Variants in OTOG observed in about 807,000 individuals in gnomAD.
OTOG encodes otogelin.
OTOG carries 296 observed loss-of-function variants against 313.8 expected under a neutral mutation model. That is an observed-to-expected ratio of 0.94 (90% CI 0.86 to 1.04). The LOEUF is 1.04. Ranked by LOEUF, OTOG falls within the 50% of genes least tolerant of loss-of-function variation. The pLI is 0.00. For missense variants in OTOG, 3,948 were observed against 3,840.1 expected, an observed-to-expected ratio of 1.03 and a Z score of -0.74; for synonymous variants, 1,533 against 1,554.9, an observed-to-expected ratio of 0.99 and a Z score of 0.33.
At chr11:17,624,269 G>A (rs1473941570) in intron 39 of OTOG, among the ~76,000 whole-genome samples, 1 of 152,136 alleles carries the variant, frequency 6.6e-6, no homozygotes, top group East Asian at 1.9e-4. Context: ...TATCTTCCAT[G>A]ATTTTTATAG....
chr11:17,551,535 T>A (rs1424089296), intron 3 of OTOG, among the ~76,000 whole-genome samples: 1 of 151,622 alleles, frequency 6.6e-6, no homozygotes, highest in East Asian at 2.0e-4. Flanking sequence ...AAAGGAAGGT[T>A]GGGGTGGGGG....
chr11:17,599,608 C>CTG, intron 30 of OTOG, 63 bp from the exon 31 acceptor site: 1 of 1,530,406 alleles, frequency 6.5e-7, no homozygotes, highest in Admixed American at 2.0e-5. Flanking sequence ...GGAGCCTTGG[C>CTG]TCTGTCTGTC....
rs904320984 is a variant in OTOG at position 17,548,138 on chromosome 11, C to T, written c.156-14C>T. 2.1e-5 allele frequency: 33 copies of T among 1,545,350 alleles called. No individual in the cohort carries two copies. The highest frequency in any genetic ancestry group is 3.9e-5 in the Admixed American group (2 of 50,770). The stretch of plus-strand genomic sequence containing the variant: ...CCTAGCCCCCCATCCATGCCAGACT[C>T]GTGTTTCCTCCAGCAGCAGCCACCA... On this transcript the variant is annotated splice_polypyrimidine_tract_variant and intron_variant, in intron 2 of 55. Transcript: ENST00000399397.
In OTOG at chr11:17,547,956, G is replaced by C; in HGVS notation, c.124G>C (p.Glu42Gln). The C allele has an allele frequency of 3.8e-6, 2 of 528,106 alleles. No individual in the cohort carries two copies. 32.7% of individuals were successfully genotyped at this position (528,106 alleles called of 1,614,324 possible). A position where few individuals can be genotyped will look rare whatever the true frequency, so the allele number is the denominator to read the frequency against. ...AGCACCCGTTCTGTGGGGCAGTGCA[G>C]AGCCACAGCCAGAGCCAGCCGGGCA... ...AAAPVLWGSA[E>Q]PQPEPAGQPS... Residue 42 changes from glutamate (E) to glutamine (Q), a missense_variant, in exon 2 of 56, where the codon GAG becomes CAG. Physicochemically the swap from Glu to Gln is conservative, Grantham distance 29. Transcript: ENST00000399397.
chr11:17,558,260 C>A lies in OTOG; in HGVS notation c.941C>A (p.Thr314Lys). ...EQAPNQPPGP[T>K]TSSLPRPPCL... is the part of the protein sequence containing the mutation. ...GCCCCTAACCAGCCTCCAGGGCCCA[C>A]AACTTCCTCCCTGCCTCGCCCACCG... Residue 314 changes from threonine to lysine, a missense_variant, in exon 9 of 56, where the codon ACA (threonine) becomes AAA (lysine). Physicochemically the swap from Thr to Lys is moderately conservative, Grantham distance 78. Transcript: ENST00000399397. 5 of 1,550,722 alleles carry A rather than the reference C, an allele frequency of 3.2e-6. No individual in the cohort carries two copies. Among genetic ancestry groups the A allele is most frequent in the African/African-American group, 2.7e-5 (2 of 73,168 alleles).
chr11:17,550,319 C>G (rs545637641), intron 3 of OTOG, among the ~76,000 whole-genome samples: 1 of 152,308 alleles, frequency 6.6e-6, no homozygotes, highest in East Asian at 1.9e-4. Flanking sequence ...CTAAATTACA[C>G]ATTTTTATAA....
chr11:17,547,980 C>T lies in OTOG; in HGVS notation c.148C>T (p.Gln50Ter), dbSNP rs76186800. 4.8e-6 allele frequency: 3 copies of T among 620,292 alleles called. No individual in the cohort carries two copies. Among genetic ancestry groups the T allele is most frequent in the Non-Finnish European group, 5.1e-6 (2 of 392,042 alleles). 38.4% of individuals were successfully genotyped at this position (620,292 alleles called of 1,614,324 possible). A position where few individuals can be genotyped will look rare whatever the true frequency, so the allele number is the denominator to read the frequency against. Residue 50 changes from glutamine (Q) to a stop codon, truncating the protein, a stop_gained, in exon 2 of 56, where the codon CAA (glutamine) becomes TAA (stop). Coordinates refer to ENST00000399397, the MANE Select transcript of OTOG (RefSeq NM_001292063.2). LOFTEE classifies it high-confidence loss of function. ...SAEPQPEPAG[Q>*]PSSSHQEATL... ...AGAGCCACAGCCAGAGCCAGCCGGG[C>T]AACCCAGGTGAGTAGGTGTGAGCTG...
chr11:17,559,479 G>C, intron 11 of OTOG, 55 bp from the exon 12 acceptor site: 1 of 1,548,914 alleles, frequency 6.5e-7, no homozygotes, highest in Non-Finnish European at 8.7e-7. Flanking sequence ...TAGGAGCTGG[G>C]TCCTGGCAGA....
rs564978061 is a variant in OTOG at position 17,572,150 on chromosome 11, T to C, written c.2026T>C (p.Ser676Pro). The C allele has an allele frequency of 2.0e-4, 316 of 1,550,350 alleles. 1 individual carries two copies. In the East Asian group the frequency reaches 7.6e-3, roughly 37 times the overall value. The change falls in exon 18 of 56, where the codon TCC (serine) becomes CCC (proline). Residue 676 changes from serine (S) to proline (P), a missense_variant. Transcript: ENST00000399397. ...TTCCTGGAAAACACTTTCTGCTTGCTCCCCGCTGGTCTCTGGCTCCCCTCT... is the reference window on the plus strand; with the variant it reads ...TTCCTGGAAAACACTTTCTGCTTGCCCCCCGCTGGTCTCTGGCTCCCCTCT... ...GNSWKTLSAC[S>P]PLVSGSPLDP...
intron 40 of OTOG, among the ~76,000 whole-genome samples, chr11:17,631,170 T>C (rs1854112296): frequency 6.6e-6 from 1 of 152,134 alleles, no homozygotes; most frequent in South Asian, 2.1e-4. Flanking sequence ...AAAAATACAC[T>C]GACTGCCCAG....
At position 17,638,435 on chromosome 11, in the gene OTOG, C is replaced by T; in HGVS notation, c.7796-16C>T. 1.3e-6 allele frequency: 2 copies of T among 1,538,022 alleles called. No individual in the cohort carries two copies. The highest frequency in any genetic ancestry group is 1.8e-6 in the Non-Finnish European group (2 of 1,142,652). On this transcript the variant is annotated splice_polypyrimidine_tract_variant and intron_variant, in intron 47 of 55. Coordinates refer to ENST00000399397, the MANE Select transcript of OTOG (RefSeq NM_001292063.2). ...TGCCTGTGACTGACGTGTCAACTGC[C>T]TCTCCTTCCCCACAGTGTGTGAGAA...
chr11:17,606,535 C>A (rs1853396038), intron 33 of OTOG, among the ~76,000 whole-genome samples: 1 of 152,212 alleles, frequency 6.6e-6, no homozygotes, highest in Non-Finnish European at 1.5e-5. Flanking sequence ...GGGGATAGGT[C>A]TGGGGGCCAG....
intron 54 of OTOG, among the ~76,000 whole-genome samples, chr11:17,643,918 C>A (rs1848023150): frequency 6.6e-6 from 1 of 152,256 alleles, no homozygotes; most frequent in Admixed American, 6.5e-5. Flanking sequence ...TCCAGGGTCC[C>A]TGACAGTCCC....
In OTOG at chr11:17,572,088, T is replaced by C; in HGVS notation, c.1964T>C (p.Val655Ala). The change falls in exon 18 of 56, where the codon GTG (valine) becomes GCG (alanine). Residue 655 changes from valine to alanine, a missense_variant. Coordinates refer to ENST00000399397, the MANE Select transcript of OTOG (RefSeq NM_001292063.2). ...GNTQDDFLSP[V>A]GVPESTPQLF... ...CTGTGACATGGCTGCAGGTCTCCAG[T>C]GGGTGTACCTGAGAGCACCCCACAA... is the stretch of plus-strand genomic sequence containing the variant. The C allele has an allele frequency of 6.4e-7, 1 of 1,550,430 alleles. No individual in the cohort carries two copies. Among genetic ancestry groups the C allele is most frequent in the South Asian group, 1.2e-5 (1 of 84,044 alleles).
chr11:17,606,219 C>T, intron 33 of OTOG, 84 bp downstream of exon 33: 1 of 1,417,802 alleles, frequency 7.1e-7, no homozygotes, highest in Non-Finnish European at 9.3e-7. Flanking sequence ...TTCACCCTTC[C>T]AATTACCCCT....
chr11:17,592,096 AGTCACAG>A (rs1852958742), intron 25 of OTOG, among the ~76,000 whole-genome samples: 1 of 152,006 alleles, frequency 6.6e-6, no homozygotes, highest in Admixed American at 6.5e-5. Flanking sequence ...TGCTTAAAGG[AGTCACAG>A]GTTATAATTT....
rs1853526269 is a variant in OTOG at position 17,611,038 on chromosome 11, T to C, written c.5738T>C (p.Leu1913Pro). ...RKSTTGKVAI[L>P]SKQVSLPTSM... ...AGCACCACAGGGAAGGTGGCCATCC[T>C]ATCCAAGCAAGTGTCTCTGCCCACT... Residue 1913 changes from leucine (L) to proline (P), a missense_variant, in exon 36 of 56, where the codon CTA (leucine) becomes CCA (proline). Transcript: ENST00000399397. The C allele has an allele frequency of 1.9e-6, 3 of 1,550,590 alleles. No individual in the cohort carries two copies. The highest frequency in any genetic ancestry group is 1.4e-5 in the African/African-American group (1 of 73,182).
chr11:17,627,302 ATT>A (rs35930876), intron 39 of OTOG, among the ~76,000 whole-genome samples: 1 of 150,930 alleles, frequency 6.6e-6, no homozygotes, highest in South Asian at 2.1e-4. Context: ...TTTTATACTC[ATT>A]TTTTTTTAGG....
chr11:17,592,399 C>G (rs996775386), intron 25 of OTOG, among the ~76,000 whole-genome samples: 1 of 152,114 alleles, frequency 6.6e-6, no homozygotes, highest in African/African-American at 2.4e-5. Context: ...GATAATTGAC[C>G]TCATTTTATT....
Sources: gnomAD v4.1 joint callset for allele counts (sites outside exome capture counted in the v4.1 genomes callset) on GRCh38, gnomAD v4.1.1 for gene constraint, MANE v1.5 for transcripts, NCBI Gene and HGNC (gene_info 2026-07-23, HGNC 2026-07-21) for gene names.